The following CWC27 variants were observed in gnomAD, a reference collection of about 807,000 sequenced individuals.
CWC27 encodes the protein CWC27 spliceosome associated cyclophilin, also known as spliceosome-associated protein CWC27 homolog.
A neutral mutation model predicts 63.6 loss-of-function variants in CWC27; 47 were observed. The observed-to-expected ratio is 0.74, with a 90% CI of 0.58 to 0.94. The LOEUF is 0.94. Among genes scored for constraint, CWC27 ranks in the 40% least tolerant of loss-of-function variants. The pLI, the probability that CWC27 is intolerant of heterozygous loss-of-function variation, is 0.00. For missense variants in CWC27, 495 were observed against 554.3 expected (o/e 0.89, Z 1.07); for synonymous variants, 175 against 179.8 (o/e 0.97, Z 0.22).
At chr5:64,982,004 T>TC (rs1171924353) in intron 13 of CWC27, among the ~76,000 whole-genome samples, 1 of 152,220 alleles carries the variant, frequency 6.6e-6, no homozygotes, top group African/African-American at 2.4e-5. Flanking sequence ...ACAGTTTGCA[T>TC]CTGCTAGAGA....
Position 64,996,400 on chromosome 5 carries a change from G to A in CWC27, c.1256+19162G>A, listed in dbSNP as rs1283498918. Among the ~76,000 whole-genome samples the A allele has an allele frequency of 8.6e-5, 13 of 152,028 alleles. No homozygotes were observed. In the South Asian group the frequency reaches 1.2e-3, roughly 15 times the overall value. ...GTAATAGTAATGTTTTATTATTTGCGTACAGATAATGCAATTGATCACAAT... is the reference window on the plus strand; with the variant it reads ...GTAATAGTAATGTTTTATTATTTGCATACAGATAATGCAATTGATCACAAT... On this transcript the variant is annotated intron_variant, in intron 13 of 13. Coordinates refer to ENST00000381070, the MANE Select transcript of CWC27 (RefSeq NM_005869.4).
At chr5:64,769,230 A>C (rs1743150126) in intron 1 of CWC27, 42 bp downstream of exon 1, 2 of 1,592,690 alleles carry the variant, frequency 1.3e-6, no homozygotes, top group Middle Eastern at 1.7e-4. Flanking sequence ...TGGGATCCCC[A>C]AAGTGAGATT....
At chr5:64,810,518 C>T (rs1242381728) in intron 10 of CWC27, among the ~76,000 whole-genome samples, 1 of 152,070 alleles carries the variant, frequency 6.6e-6, no homozygotes, top group African/African-American at 2.4e-5. Flanking sequence ...TTCTTGCAAT[C>T]CATGAATCCA....
intron 11 of CWC27, among the ~76,000 whole-genome samples, chr5:64,944,595 C>T (rs555422648): frequency 6.6e-6 from 1 of 152,180 alleles, no homozygotes; most frequent in Non-Finnish European, 1.5e-5. Flanking sequence ...TTCAAACCTG[C>T]TCCTCCTGAA....
intron 4 of CWC27, among the ~76,000 whole-genome samples, chr5:64,784,364 G>C (rs971356114): frequency 2.0e-5 from 3 of 152,184 alleles, no homozygotes; most frequent in Non-Finnish European, 4.4e-5. Context: ...AGTTTAAAGT[G>C]GAATTTGTGT....
intron 13 of CWC27, among the ~76,000 whole-genome samples, chr5:64,980,016 T>C (rs1749307010): frequency 6.6e-6 from 1 of 151,044 alleles, no homozygotes; most frequent in African/African-American, 2.4e-5. Flanking sequence ...AGAAATATGA[T>C]TCAATTGTAA....
Position 64,889,647 on chromosome 5 carries a change from C to A in CWC27, c.1042+4101C>A, listed in dbSNP as rs532379393. Among the ~76,000 whole-genome samples the A allele has an allele frequency of 7.2e-5, 11 of 151,966 alleles. No individual in the cohort carries two copies. In the South Asian group the frequency reaches 2.1e-3, roughly 29 times the overall value. ...AACAATCATAAAAGCAAATTGAGGCCGGGCGCGGTGGCTCACGCCTGTAAT... is the reference window on the plus strand; with the variant it reads ...AACAATCATAAAAGCAAATTGAGGCAGGGCGCGGTGGCTCACGCCTGTAAT... On this transcript the variant is annotated intron_variant, in intron 11 of 13. Coordinates refer to ENST00000381070, the MANE Select transcript of CWC27 (RefSeq NM_005869.4).
chr5:64,813,698 C>A (rs1183363556), intron 10 of CWC27, among the ~76,000 whole-genome samples: 1 of 152,056 alleles, frequency 6.6e-6, no homozygotes, highest in East Asian at 1.9e-4. Context: ...TGGTCTCTAC[C>A]CCGGAACAAA....
chr5:64,849,643 A>G (rs937349979), intron 10 of CWC27, among the ~76,000 whole-genome samples: 1 of 151,766 alleles, frequency 6.6e-6, no homozygotes, highest in Non-Finnish European at 1.5e-5. Flanking sequence ...GTTTGGCTGC[A>G]TGTCCCCACC....
intron 11 of CWC27, among the ~76,000 whole-genome samples, chr5:64,912,362 A>G (rs1294178972): frequency 6.6e-6 from 1 of 152,210 alleles, no homozygotes; most frequent in Non-Finnish European, 1.5e-5. Flanking sequence ...ACAAATAGAA[A>G]GAGTCCTAAA....
At chr5:64,821,728 C>G (rs1222687420) in intron 10 of CWC27, among the ~76,000 whole-genome samples, 2 of 152,120 alleles carry the variant, frequency 1.3e-5, no homozygotes, top group Non-Finnish European at 1.5e-5. Context: ...AGCTTTCCCA[C>G]CTTTCCCTAA....
Position 64,800,275 on chromosome 5 carries a change from C to A in CWC27, c.697C>A (p.His233Asn). 1 of 1,612,592 alleles carries A rather than the reference C, an allele frequency of 6.2e-7. No individual in the cohort carries two copies. Among genetic ancestry groups the A allele is most frequent in the South Asian group, 1.1e-5 (1 of 90,940 alleles). The change falls in exon 8 of 14, where the codon CAT becomes AAT. Residue 233 changes from histidine to asparagine, a missense_variant. By Grantham distance (68) the His-to-Asn change is moderately conservative (BLOSUM62 1). This residue lies in a region of CWC27 where 463 missense variants were observed against 498.1 expected (regional missense o/e 0.93). Coordinates refer to ENST00000381070, the MANE Select transcript of CWC27 (RefSeq NM_005869.4). ...CATGAAGGGCAAAAGCAAAAGTAGT[C>A]ATGACTTGCTTAAGGATGATCCACA... The part of the protein sequence containing the change: ...QSMKGKSKSS[H>N]DLLKDDPHLS...
chr5:64,841,344 G>C (rs1418811605), intron 10 of CWC27, among the ~76,000 whole-genome samples: 1 of 152,176 alleles, frequency 6.6e-6, no homozygotes, highest in Non-Finnish European at 1.5e-5. Context: ...ATCTACTCAT[G>C]AGGGCAGATT....
intron 11 of CWC27, among the ~76,000 whole-genome samples, chr5:64,904,472 G>A: frequency 6.6e-6 from 1 of 152,190 alleles, no homozygotes; most frequent in Non-Finnish European, 1.5e-5. Context: ...CTGACAGGAA[G>A]CCTCGGTTCC....
chr5:64,858,387 G>T (rs12188838), intron 10 of CWC27, among the ~76,000 whole-genome samples: 1 of 148,572 alleles, frequency 6.7e-6, no homozygotes, highest in East Asian at 2.0e-4. Context: ...GCATGAACCC[G>T]GGAGGCGGAG....
intron 12 of CWC27, among the ~76,000 whole-genome samples, chr5:64,975,999 C>T (rs888675563): frequency 6.6e-6 from 1 of 152,116 alleles, no homozygotes; most frequent in Admixed American, 6.5e-5. Flanking sequence ...ACCTGGGAGG[C>T]GGAGGTTGCA....
rs1022351433 is a variant in CWC27, at chr5:64,987,057, TTTTG to T, written c.1256+9823_1256+9826del. Among the ~76,000 whole-genome samples, 30 of 152,094 alleles carry T rather than the reference TTTTG, an allele frequency of 2.0e-4. No homozygotes were observed. The East Asian group carries it at 2.3e-3, about 12-fold the overall frequency. On this transcript the variant is annotated intron_variant, in intron 13 of 13. Transcript: ENST00000381070. Reference sequence around the variant, plus strand: ...GTTTCCTCTGTTTTGTTTTGTTTTGTTTTGTTTATTTTTATTTTTTATTTTTTTA... The same window carrying T: ...GTTTCCTCTGTTTTGTTTTGTTTTGTTTTATTTTTATTTTTTATTTTTTTA...
intron 11 of CWC27, among the ~76,000 whole-genome samples, chr5:64,903,578 G>T (rs1191711853): frequency 6.6e-6 from 1 of 151,964 alleles, no homozygotes; most frequent in African/African-American, 2.4e-5. Context: ...TAATGCATAC[G>T]GGGCTTAAAA....
Position 64,783,821 on chromosome 5 carries a change from C to G in CWC27, c.253-15C>G. Reference sequence around the variant, plus strand: ...TTATAACTGAGGACATTCACTAAATCTTTTTACATTTCAGGATGAATTTCA... The same window carrying G: ...TTATAACTGAGGACATTCACTAAATGTTTTTACATTTCAGGATGAATTTCA... On this transcript the variant is annotated splice_polypyrimidine_tract_variant and intron_variant, in intron 3 of 13. Coordinates refer to ENST00000381070, the MANE Select transcript of CWC27 (RefSeq NM_005869.4). The G allele has an allele frequency of 6.5e-7, 1 of 1,547,272 alleles. No homozygotes were observed.
Sources: allele counts gnomAD v4.1 joint callset (sites outside exome capture counted in the v4.1 genomes callset), GRCh38; gene constraint gnomAD v4.1.1; regional missense constraint gnomAD v4.1.1; transcripts MANE v1.5; gene names NCBI Gene and HGNC (gene_info 2026-07-23, HGNC 2026-07-21).